COLEC12: variants seen among roughly 807,000 people sequenced by gnomAD.
COLEC12 encodes collectin-12.
Under a neutral mutation model 71.1 loss-of-function variants are expected in COLEC12, and 33 were observed. That is an observed-to-expected ratio of 0.46 (90% CI 0.35 to 0.62). The LOEUF (loss-of-function observed/expected upper bound fraction) is 0.62, where lower values mean the gene tolerates loss of function less well. Ranked by LOEUF, COLEC12 falls within the 20% of genes least tolerant of loss-of-function variation. The pLI, the probability that COLEC12 is intolerant of heterozygous loss-of-function variation, is 0.00. For missense variants in COLEC12, 765 were observed against 916.1 expected (o/e 0.84, Z 2.13); for synonymous variants, 350 against 353.0 (o/e 0.99, Z 0.10).
rs528737701 is a variant in COLEC12 at position 476,574 on chromosome 18, C to CA, written c.58+4132dup. 2.6e-5 allele frequency among the ~76,000 whole-genome samples: 4 copies of CA among 151,718 alleles called. No individual in the cohort carries two copies. In the South Asian group the frequency reaches 6.3e-4, roughly 24 times the overall value. On this transcript the variant is annotated intron_variant, in intron 2 of 9. Transcript: ENST00000400256. The stretch of plus-strand genomic sequence containing the variant: ...TTGCGACCAATCAATGAAACAAAGT[C>CA]AGTCTAGCGCCCCCGCCCCAGTGCA...
chr18:426,475 C>T (rs1231723832), intron 2 of COLEC12, among the ~76,000 whole-genome samples: 1 of 152,146 alleles, frequency 6.6e-6, no homozygotes, highest in Non-Finnish European at 1.5e-5. Context: ...AGTGGAAGCG[C>T]AGTTGCTTTC....
At position 404,617 on chromosome 18, in the gene COLEC12, T is replaced by C. The variant is rs146247072; in HGVS notation, c.59-47095A>G. ...AACATAAATTGTGAAGATTTCATTT[T>C]AATATGGACATTTATCAGTTCCCAA... On this transcript the variant is annotated intron_variant, in intron 2 of 9. Transcript: ENST00000400256. 5.9e-3 allele frequency among the ~76,000 whole-genome samples: 900 copies of C among 152,352 alleles called. 13 individuals carry two copies. Among genetic ancestry groups the C allele is most frequent in the African/African-American group, 0.021 (864 of 41,578 alleles).
At chr18:405,333 T>C (rs946016167) in intron 2 of COLEC12, among the ~76,000 whole-genome samples, 2 of 152,140 alleles carry the variant, frequency 1.3e-5, no homozygotes, top group Non-Finnish European at 2.9e-5. Flanking sequence ...AGATGCTTAT[T>C]AGTTCTGCTT....
chr18:451,397 G>A (rs1243887186), intron 2 of COLEC12, among the ~76,000 whole-genome samples: 1 of 152,180 alleles, frequency 6.6e-6, no homozygotes, highest in Non-Finnish European at 1.5e-5. Context: ...AAGCAGCAAA[G>A]CATTTATGAT....
chr18:325,787 C>T (rs546051531), intron 8 of COLEC12, among the ~76,000 whole-genome samples: 33 of 152,152 alleles, frequency 2.2e-4, no homozygotes, highest in Non-Finnish European at 4.3e-4. Context: ...CCTCAGCTTC[C>T]TGAATACCTG....
chr18:459,492 C>T (rs1916936068), intron 2 of COLEC12, among the ~76,000 whole-genome samples: 1 of 152,232 alleles, frequency 6.6e-6, no homozygotes, highest in Non-Finnish European at 1.5e-5. Flanking sequence ...AATCAGACAG[C>T]TTTCCTCATT....
intron 1 of COLEC12, among the ~76,000 whole-genome samples, chr18:487,106 G>C (rs1294381186): frequency 6.6e-6 from 1 of 152,172 alleles, no homozygotes; most frequent in Non-Finnish European, 1.5e-5. Flanking sequence ...ATAAACTGTG[G>C]TATGTCTATA....
chr18:367,925 CCAAAACAAAA>C (rs200573575), intron 2 of COLEC12, among the ~76,000 whole-genome samples: 2 of 152,022 alleles, frequency 1.3e-5, no homozygotes, highest in Admixed American at 6.6e-5. Flanking sequence ...GCTGTCTCTA[CCAAAACAAAA>C]CAAAACAAAA....
intron 2 of COLEC12, among the ~76,000 whole-genome samples, chr18:391,767 T>C (rs988472344): frequency 6.6e-6 from 1 of 152,114 alleles, no homozygotes; most frequent in African/African-American, 2.4e-5. Flanking sequence ...TGGCAGGAGG[T>C]GGCAATAGTT....
intron 1 of COLEC12, among the ~76,000 whole-genome samples, chr18:485,866 T>C (rs1462800831): frequency 6.6e-6 from 1 of 152,258 alleles, no homozygotes; most frequent in East Asian, 1.9e-4. Context: ...CTTAACTCTA[T>C]CTGCCTTATA....
chr18:374,811 T>C (rs981236563), intron 2 of COLEC12, among the ~76,000 whole-genome samples: 1 of 152,182 alleles, frequency 6.6e-6, no homozygotes, highest in Admixed American at 6.5e-5. Flanking sequence ...CAACACGTTA[T>C]GCATGGTGAG....
intron 2 of COLEC12, among the ~76,000 whole-genome samples, chr18:460,930 T>C (rs941729737): frequency 5.9e-5 from 9 of 152,246 alleles, no homozygotes; most frequent in Non-Finnish European, 1.0e-4. Flanking sequence ...GTCTTCATGG[T>C]CACGTTTCTA....
chr18:454,219 G>C (rs538886806), intron 2 of COLEC12, among the ~76,000 whole-genome samples: 10 of 152,288 alleles, frequency 6.6e-5, no homozygotes, highest in African/African-American at 2.2e-4. Flanking sequence ...AGCTGGCTTA[G>C]TTCTATTCCT....
At chr18:466,430 G>A (rs1917089597) in intron 2 of COLEC12, among the ~76,000 whole-genome samples, 1 of 152,030 alleles carries the variant, frequency 6.6e-6, no homozygotes, top group South Asian at 2.1e-4. Flanking sequence ...GACTATCCGT[G>A]CTCTGTTTCC....
At chr18:483,924 G>C (rs929714766) in intron 1 of COLEC12, among the ~76,000 whole-genome samples, 21 of 152,138 alleles carry the variant, frequency 1.4e-4, no homozygotes, top group African/African-American at 4.6e-4. Context: ...CGTGCCCTTG[G>C]CCAGCTCTAT....
intron 2 of COLEC12, among the ~76,000 whole-genome samples, chr18:368,758 TCTGA>T (rs1567886736): frequency 2.2e-4 from 33 of 151,712 alleles, no homozygotes; most frequent in Admixed American, 3.9e-4. Flanking sequence ...CCCAGCTACT[TCTGA>T]GGCTGAGGCA....
chr18:404,260 T>TA (rs1367597535), intron 2 of COLEC12, among the ~76,000 whole-genome samples: 2 of 151,334 alleles, frequency 1.3e-5, no homozygotes, highest in Non-Finnish European at 2.9e-5. Context: ...AAATGTGGTT[T>TA]AAAAAAAAAG....
At chr18:326,624 C>T (rs1342275862) in intron 8 of COLEC12, among the ~76,000 whole-genome samples, 1 of 152,232 alleles carries the variant, frequency 6.6e-6, no homozygotes, top group Non-Finnish European at 1.5e-5. Context: ...GTTGGGATTA[C>T]AGGCGTGAGC....
At chr18:363,854 A>G (rs529004747) in intron 2 of COLEC12, among the ~76,000 whole-genome samples, 1 of 152,328 alleles carries the variant, frequency 6.6e-6, no homozygotes, top group East Asian at 1.9e-4. Flanking sequence ...TTCCCCAAAT[A>G]CAAATCCCAG....
Sources: gnomAD v4.1 joint callset for allele counts (sites outside exome capture counted in the v4.1 genomes callset) on GRCh38, gnomAD v4.1.1 for gene constraint, MANE v1.5 for transcripts, NCBI Gene and HGNC (gene_info 2026-07-23, HGNC 2026-07-21) for gene names.